Variants in PHLPP2 observed in about 807,000 individuals in gnomAD.
PHLPP2 encodes PH domain and leucine rich repeat protein phosphatase 2.
Under a neutral mutation model 124.9 loss-of-function variants are expected in PHLPP2, and 66 were observed. The observed-to-expected ratio is 0.53, with a 90% confidence interval of 0.43 to 0.65. The LOEUF is 0.65. PHLPP2 is among the 30% of genes least tolerant of loss of function. The probability of loss-of-function intolerance (pLI) is 0.00; values close to 1 mark genes in which losing one functional copy is unlikely to be tolerated. For missense variants in PHLPP2, 1,685 were observed against 1,600.4 expected, an observed-to-expected ratio of 1.05 and a Z score of -0.90; for synonymous variants, 681 against 624.7, an observed-to-expected ratio of 1.09 and a Z score of -1.34.
chr16:71,679,282 A>G, intron 7 of PHLPP2, 107 bp downstream of exon 7: 1 of 983,844 alleles, frequency 1.0e-6, no homozygotes. Flanking sequence ...CCTAAGTAGT[A>G]CATGATATAG....
intron 9 of PHLPP2, among the ~76,000 whole-genome samples, chr16:71,675,704 A>G (rs926162319): frequency 2.6e-5 from 4 of 152,258 alleles, no homozygotes; most frequent in East Asian, 3.9e-4. Context: ...TAATTTTCAC[A>G]TGTCACAAAA....
intron 10 of PHLPP2, among the ~76,000 whole-genome samples, chr16:71,670,693 A>AT (rs1403405186): frequency 0.012 from 156 of 12,572 alleles, no homozygotes; most frequent in African/African-American, 0.03. Context: ...AAAGAGGCTG[A>AT]AAACACACAC....
intron 13 of PHLPP2, among the ~76,000 whole-genome samples, chr16:71,659,762 G>C (rs2044772737): frequency 6.6e-6 from 1 of 152,038 alleles, no homozygotes; most frequent in Non-Finnish European, 1.5e-5. Flanking sequence ...ATTACAAATA[G>C]TTCTAATTTA....
chr16:71,707,871 G>A (rs535018348), intron 2 of PHLPP2, among the ~76,000 whole-genome samples: 3 of 152,300 alleles, frequency 2.0e-5, no homozygotes, highest in South Asian at 2.1e-4. Flanking sequence ...AGTCTTGCTG[G>A]GGCCTTGCCC....
intron 1 of PHLPP2, chr16:71,723,715 G>C (rs2045413505): frequency 3.4e-6 from 3 of 886,858 alleles, no homozygotes; most frequent in Admixed American, 5.8e-5. Flanking sequence ...TCCCTCCCTA[G>C]TCCGCTTGCC....
intron 1 of PHLPP2, among the ~76,000 whole-genome samples, chr16:71,721,203 C>A (rs747566332): frequency 6.6e-6 from 1 of 151,222 alleles, no homozygotes; most frequent in Non-Finnish European, 1.5e-5. Context: ...AAAAAAAAAA[C>A]GTGCCTATGA....
chr16:71,659,960 T>C (rs2044774147), intron 13 of PHLPP2, among the ~76,000 whole-genome samples: 1 of 152,168 alleles, frequency 6.6e-6, no homozygotes, highest in African/African-American at 2.4e-5. Context: ...GCCTTTTTCA[T>C]ATAACATATC....
At chr16:71,696,261 G>C (rs2045169309) in intron 3 of PHLPP2, among the ~76,000 whole-genome samples, 1 of 152,138 alleles carries the variant, frequency 6.6e-6, no homozygotes, top group Non-Finnish European at 1.5e-5. Flanking sequence ...CAAAGGTGTA[G>C]GGAAATAAGT....
At chr16:71,692,520 T>C (rs1043313766) in intron 3 of PHLPP2, among the ~76,000 whole-genome samples, 7 of 152,198 alleles carry the variant, frequency 4.6e-5, no homozygotes, top group African/African-American at 1.4e-4. Context: ...AGCCTTAAAA[T>C]TGTATTATTC....
At chr16:71,659,069 C>T (rs1567613611) in intron 13 of PHLPP2, among the ~76,000 whole-genome samples, 1 of 152,132 alleles carries the variant, frequency 6.6e-6, no homozygotes, top group Non-Finnish European at 1.5e-5. Context: ...GAACATCTTC[C>T]TGTTACCTAA....
chr16:71,690,407 G>A, intron 4 of PHLPP2, 112 bp downstream of exon 4: 1 of 738,730 alleles, frequency 1.4e-6, no homozygotes, highest in Non-Finnish European at 2.3e-6. Context: ...CTTTAATAAT[G>A]CCCATACTGG....
chr16:71,656,229 G>T (rs575813868), intron 16 of PHLPP2, among the ~76,000 whole-genome samples: 5 of 152,142 alleles, frequency 3.3e-5, no homozygotes, highest in Non-Finnish European at 5.9e-5. Context: ...ATACTAGACT[G>T]GGTGTCATCA....
chr16:71,682,034 AATT>A, intron 5 of PHLPP2, 129 bp from the exon 6 acceptor site: 1 of 600,240 alleles, frequency 1.7e-6, no homozygotes, highest in South Asian at 3.6e-5. Context: ...AATAAGATCC[AATT>A]ATTCATTTAT....
chr16:71,698,475 G>A, intron 3 of PHLPP2: 1 of 751,218 alleles, frequency 1.3e-6, no homozygotes, highest in Non-Finnish European at 2.4e-6. Flanking sequence ...CGGCCACAGT[G>A]CCCTGCGGCT....
In PHLPP2 at chr16:71,695,032, G is replaced by A. The variant is rs561266605; in HGVS notation, c.419-4323C>T. On this transcript the variant is annotated intron_variant, in intron 3 of 18. Coordinates refer to ENST00000568954, the MANE Select transcript of PHLPP2 (RefSeq NM_015020.3). ...GATCTCCCGACCTCATGATCCGCCC[G>A]TCTTGGCATCCCAAAGTGCTGGGAT... Among the ~76,000 whole-genome samples the A allele has an allele frequency of 7.5e-4, 114 of 152,176 alleles. 2 individuals carry two copies. Among genetic ancestry groups the A allele is most frequent in the South Asian group, 4.2e-3 (20 of 4,818 alleles).
intron 2 of PHLPP2, among the ~76,000 whole-genome samples, chr16:71,707,821 G>T (rs1344200948): frequency 1.3e-5 from 2 of 152,172 alleles, no homozygotes; most frequent in Admixed American, 1.3e-4. Flanking sequence ...GTTCTTCCTT[G>T]CAGACAGTTG....
chr16:71,718,691 C>T (rs889037032), intron 1 of PHLPP2, among the ~76,000 whole-genome samples: 3 of 151,494 alleles, frequency 2.0e-5, no homozygotes, highest in African/African-American at 4.8e-5. Flanking sequence ...CATAGTGAAA[C>T]CGCGTCTCAA....
At chr16:71,708,855 G>A (rs2045304363) in intron 2 of PHLPP2, among the ~76,000 whole-genome samples, 1 of 152,150 alleles carries the variant, frequency 6.6e-6, no homozygotes, top group Non-Finnish European at 1.5e-5. Flanking sequence ...TACTCAGGAG[G>A]CTGAGACAGG....
At chr16:71,671,200 G>A (rs1468385905) in intron 10 of PHLPP2, among the ~76,000 whole-genome samples, 1 of 152,004 alleles carries the variant, frequency 6.6e-6, no homozygotes, top group Non-Finnish European at 1.5e-5. Context: ...GAAATGGAAG[G>A]GAATCTAAAA....
Sources: allele counts gnomAD v4.1 joint callset (sites outside exome capture counted in the v4.1 genomes callset), GRCh38; gene constraint gnomAD v4.1.1; transcripts MANE v1.5; gene names NCBI Gene and HGNC (gene_info 2026-07-23, HGNC 2026-07-21).